Variants in DGKK observed in about 807,000 individuals in gnomAD.
The protein encoded by DGKK is 142 kDa diacylglycerol kinase.
DGKK carries 35 observed loss-of-function variants against 92.2 expected under a neutral mutation model. The ratio of observed to expected loss-of-function variants is 0.38; its 90% CI spans 0.29 to 0.50. The LOEUF (loss-of-function observed/expected upper bound fraction) is 0.50, where lower values mean the gene tolerates loss of function less well. DGKK is among the 20% of genes least tolerant of loss of function. The pLI is 0.92. For synonymous variants in DGKK, 368 were observed against 360.6 expected (o/e 1.02, Z -0.23); for missense variants, 910 against 992.2 (o/e 0.92, Z 1.11).
At chrX:50,466,115 A>G (rs1926903896) in intron 1 of DGKK, among the ~76,000 whole-genome samples, 1 of 97,697 alleles carries the variant, frequency 1.0e-5, no homozygotes, top group African/African-American at 4.0e-5. Flanking sequence ...TAATAAGTGC[A>G]TAAGAATTGT....
In DGKK at chrX:50,367,376, T is replaced by C. The variant is rs1025582237; in HGVS notation, c.*1564A>G. On this transcript the variant is annotated 3_prime_UTR_variant, in exon 28 of 28. Coordinates refer to ENST00000611977, the MANE Select transcript of DGKK (RefSeq NM_001013742.4). ...ACTGGGAGAAGGCATTTTTGAAAAATGTGAATTAGTATTTGGAGCGATTTA... is the reference window on the plus strand; with the variant it reads ...ACTGGGAGAAGGCATTTTTGAAAAACGTGAATTAGTATTTGGAGCGATTTA... The C allele has an allele frequency of 1.8e-5, 2 of 111,166 alleles. No homozygotes were observed. Among genetic ancestry groups the C allele is most frequent in the African/African-American group, 6.5e-5 (2 of 30,544 alleles). The allele number at this position is 111,166 out of a possible 1,213,427, so 9.2% of individuals were successfully genotyped here.
chrX:50,461,233 A>G (rs1557233311), intron 1 of DGKK, among the ~76,000 whole-genome samples: 1 of 112,108 alleles, frequency 8.9e-6, no homozygotes, highest in Non-Finnish European at 1.9e-5. Context: ...TGACTAGATG[A>G]ACTTTAAGCT....
At chrX:50,387,802 C>A (rs1924587142) in intron 13 of DGKK, 149 bp from the exon 14 acceptor site, 1 of 442,411 alleles carries the variant, frequency 2.3e-6, no homozygotes, top group East Asian at 3.9e-5. Flanking sequence ...CTTTTTCTCT[C>A]TGCTTTTTTT....
chrX:50,464,143 T>G lies in DGKK; in HGVS notation c.645+5891A>C, dbSNP rs1926833182. ...TTTTTCTTCTTTTAAAAAAATCGGT[T>G]TTTTTTTTTTTGGTTGTGTTTTGAC... On this transcript the variant is annotated intron_variant, in intron 1 of 27. Coordinates refer to ENST00000611977, the MANE Select transcript of DGKK (RefSeq NM_001013742.4). Among the ~76,000 whole-genome samples the G allele has an allele frequency of 3.7e-5, 2 of 54,642 alleles. 1 individual carries two copies. The highest frequency in any genetic ancestry group is 7.3e-5 in the Non-Finnish European group (2 of 27,355). The allele number at this position is 54,642 out of a possible 115,157, so 47.5% of individuals were successfully genotyped here.
chrX:50,450,876 A>T (rs1926478686), intron 1 of DGKK, among the ~76,000 whole-genome samples: 1 of 111,791 alleles, frequency 8.9e-6, no homozygotes. Flanking sequence ...ATCAGAGCTC[A>T]GGTCTCTTAA....
intron 1 of DGKK, among the ~76,000 whole-genome samples, chrX:50,429,491 C>T (rs1925827576): frequency 9.0e-6 from 1 of 111,719 alleles, no homozygotes; most frequent in South Asian, 3.8e-4. Context: ...CGAGACCATC[C>T]TGGCTAACAC....
intron 1 of DGKK, among the ~76,000 whole-genome samples, chrX:50,465,013 AAAT>A (rs1179869282): frequency 8.9e-6 from 1 of 111,829 alleles, no homozygotes; most frequent in Admixed American, 9.5e-5. Context: ...GTAATCGGGA[AAAT>A]AATGTCAGGA....
intron 13 of DGKK, 57 bp downstream of exon 13, chrX:50,388,470 A>T: frequency 1.1e-6 from 1 of 899,298 alleles, no homozygotes; most frequent in Non-Finnish European, 1.6e-6. Context: ...TATCAAAATG[A>T]GCCCCATGTC....
chrX:50,391,339 G>T, intron 11 of DGKK, 98 bp downstream of exon 11: 1 of 1,070,165 alleles, frequency 9.3e-7, no homozygotes. Flanking sequence ...AGGAAATGAG[G>T]CTCTATCAAT....
rs781986504 is a variant in DGKK at position 50,392,694 on chromosome X, T to C, written c.1596-245A>G. ...AACACTAGTAACCTAAACAGACCCA[T>C]TTGCTGAGGCCCAGGAAGATGCCTT... On this transcript the variant is annotated intron_variant, in intron 9 of 27. Coordinates refer to ENST00000611977, the MANE Select transcript of DGKK (RefSeq NM_001013742.4). 4.4e-5 allele frequency among the ~76,000 whole-genome samples: 5 copies of C among 112,394 alleles called. No homozygotes were observed. In the East Asian group the frequency reaches 1.1e-3, roughly 25 times the overall value.
intron 17 of DGKK, among the ~76,000 whole-genome samples, chrX:50,383,464 T>C (rs782160821): frequency 3.6e-5 from 4 of 112,129 alleles, no homozygotes; most frequent in Non-Finnish European, 5.6e-5. Context: ...TTAAATAAAT[T>C]ATTTAAGAAA....
At chrX:50,385,785 T>G (rs1924529184) in intron 15 of DGKK, among the ~76,000 whole-genome samples, 1 of 111,916 alleles carries the variant, frequency 8.9e-6, no homozygotes, top group Admixed American at 9.5e-5. Context: ...GGGAAAGAAG[T>G]GGTCAGCAAA....
intron 4 of DGKK, among the ~76,000 whole-genome samples, chrX:50,411,363 C>T (rs1488783430): frequency 8.9e-6 from 1 of 112,077 alleles, no homozygotes; most frequent in Non-Finnish European, 1.9e-5. Flanking sequence ...GAATCATTTA[C>T]CATGATCAAG....
intron 1 of DGKK, among the ~76,000 whole-genome samples, chrX:50,428,088 C>T (rs1396286630): frequency 1.8e-5 from 2 of 110,147 alleles, no homozygotes; most frequent in African/African-American, 6.6e-5. Flanking sequence ...TACCCCAGGT[C>T]TGAGGGTATG....
In DGKK at chrX:50,422,597, A is replaced by AACACACACACACACAC. The variant is rs59226442; in HGVS notation, c.757-87_757-72dup. On this transcript the variant is annotated intron_variant, in intron 2 of 27. Transcript: ENST00000611977. ...TGATGCAAAGAGACATTAAAAGGTA[A>AACACACACACACACAC]ACACACACACACACACACACACACA... is the stretch of plus-strand genomic sequence containing the variant. 76 of 350,867 alleles carry AACACACACACACACAC rather than the reference A, an allele frequency of 2.2e-4. No individual in the cohort carries two copies. In the African/African-American group the frequency reaches 2.2e-3, roughly 10 times the overall value. 28.9% of individuals were successfully genotyped at this position (350,867 alleles called of 1,213,427 possible). A position where few individuals can be genotyped will look rare whatever the true frequency, so the allele number is the denominator to read the frequency against.
chrX:50,399,666 T>C (rs1240874951), intron 8 of DGKK, among the ~76,000 whole-genome samples: 1 of 112,566 alleles, frequency 8.9e-6, no homozygotes, highest in East Asian at 2.8e-4. Context: ...ATGAGCAGTG[T>C]ATCTCTTCCC....
chrX:50,402,576 G>C (rs1375742834), intron 7 of DGKK, among the ~76,000 whole-genome samples: 1 of 111,678 alleles, frequency 9.0e-6, no homozygotes, highest in African/African-American at 3.3e-5. Flanking sequence ...TTCCTCATCT[G>C]TAAAATGGGA....
intron 8 of DGKK, among the ~76,000 whole-genome samples, chrX:50,400,377 C>T (rs1044975273): frequency 2.7e-5 from 3 of 112,183 alleles, no homozygotes; most frequent in Non-Finnish European, 5.6e-5. Context: ...TTCCGCTCAA[C>T]CTCCTATAAA....
intron 4 of DGKK, among the ~76,000 whole-genome samples, chrX:50,412,975 G>A (rs959557349): frequency 2.6e-4 from 29 of 110,956 alleles, no homozygotes; most frequent in African/African-American, 9.2e-4. Context: ...AGTGGCATTA[G>A]ATTCTCATAG....
Sources: allele counts gnomAD v4.1 joint callset (sites outside exome capture counted in the v4.1 genomes callset), GRCh38; gene constraint gnomAD v4.1.1; transcripts MANE v1.5; gene names NCBI Gene and HGNC (gene_info 2026-07-23, HGNC 2026-07-21).